RSPO3: variants seen among roughly 807,000 people sequenced by gnomAD.
The protein encoded by RSPO3 is R-spondin-3.
A neutral mutation model predicts 36.5 loss-of-function variants in RSPO3; 17 were observed. The observed-to-expected ratio is 0.47, with a 90% CI of 0.32 to 0.70. The LOEUF (loss-of-function observed/expected upper bound fraction) is 0.70, where lower values mean the gene tolerates loss of function less well. RSPO3 is among the 30% of genes least tolerant of loss of function. RSPO3 has a pLI of 0.04. For synonymous variants in RSPO3, 108 were observed against 107.0 expected (o/e 1.01, Z -0.06); for missense variants, 294 against 322.5 (o/e 0.91, Z 0.68).
chr6:127,178,769 G>A (rs947258410), intron 4 of RSPO3, among the ~76,000 whole-genome samples: 1 of 151,758 alleles, frequency 6.6e-6, no homozygotes, highest in Non-Finnish European at 1.5e-5. Flanking sequence ...TTCTAGGAAA[G>A]CAGACTAAAC....
intron 4 of RSPO3, among the ~76,000 whole-genome samples, chr6:127,169,613 A>G (rs1774896882): frequency 6.6e-6 from 1 of 151,926 alleles, no homozygotes; most frequent in Non-Finnish European, 1.5e-5. Context: ...TGCAATAAAC[A>G]ACACGAAAGA....
chr6:127,144,394 C>G (rs1774338283), intron 1 of RSPO3, among the ~76,000 whole-genome samples: 1 of 152,088 alleles, frequency 6.6e-6, no homozygotes. Context: ...ATTTTTCCAG[C>G]AGGCTATTCC....
chr6:127,145,101 C>A lies in RSPO3; in HGVS notation c.98-3547C>A, dbSNP rs190408242. ...TCTTTTTAAACGTCAGTATTCTATG[C>A]ACCATGCCCTACTCTCCAACTGCAG... is the stretch of plus-strand genomic sequence containing the variant. On this transcript the variant is annotated intron_variant, in intron 1 of 4. Transcript: ENST00000356698. 5.3e-5 allele frequency among the ~76,000 whole-genome samples: 8 copies of A among 152,264 alleles called. No homozygotes were observed. In the East Asian group the frequency reaches 1.5e-3, roughly 29 times the overall value.
chr6:127,180,507 A>C (rs1329881419), intron 4 of RSPO3, among the ~76,000 whole-genome samples: 144 of 150,060 alleles, frequency 9.6e-4, no homozygotes, highest in Non-Finnish European at 1.7e-3. Context: ...AAAAAAAAAA[A>C]AAAAAAAACC....
intron 4 of RSPO3, among the ~76,000 whole-genome samples, chr6:127,190,828 A>G (rs1775395603): frequency 6.6e-6 from 1 of 152,204 alleles, no homozygotes; most frequent in South Asian, 2.1e-4. Flanking sequence ...ACCTATAGAC[A>G]GATTTTATCC....
At chr6:127,189,661 G>A (rs1297300851) in intron 4 of RSPO3, among the ~76,000 whole-genome samples, 1 of 152,136 alleles carries the variant, frequency 6.6e-6, no homozygotes, top group African/African-American at 2.4e-5. Context: ...ATATTTTAAT[G>A]GTCAGAGCTA....
chr6:127,133,994 G>A (rs543379113), intron 1 of RSPO3, among the ~76,000 whole-genome samples: 3 of 152,102 alleles, frequency 2.0e-5, no homozygotes, highest in Non-Finnish European at 2.9e-5. Flanking sequence ...TTTCTAAGCC[G>A]AATAGTACCT....
intron 1 of RSPO3, among the ~76,000 whole-genome samples, chr6:127,145,448 A>G (rs1408032357): frequency 6.6e-6 from 1 of 152,072 alleles, no homozygotes; most frequent in East Asian, 1.9e-4. Context: ...GAAACACCCT[A>G]TGTTTACAGA....
At chr6:127,162,328 C>T (rs1231240938) in intron 4 of RSPO3, among the ~76,000 whole-genome samples, 4 of 152,120 alleles carry the variant, frequency 2.6e-5, no homozygotes, top group Admixed American at 2.6e-4. Context: ...TTTTTGCATT[C>T]TACCCTAGAG....
chr6:127,127,139 C>G (rs1164355724), intron 1 of RSPO3, among the ~76,000 whole-genome samples: 5 of 152,090 alleles, frequency 3.3e-5, no homozygotes, highest in Non-Finnish European at 7.4e-5. Context: ...TTTATAACCA[C>G]ATAATACAAA....
At chr6:127,150,885 T>C (rs1774478801) in intron 3 of RSPO3, among the ~76,000 whole-genome samples, 1 of 151,744 alleles carries the variant, frequency 6.6e-6, no homozygotes, top group African/African-American at 2.4e-5. Context: ...TTTAATGAAT[T>C]TTATTTAAGT....
Position 127,144,643 on chromosome 6 carries a change from G to T in RSPO3, c.98-4005G>T, listed in dbSNP as rs182138365. Among the ~76,000 whole-genome samples, 618 of 98,898 alleles carry T rather than the reference G, an allele frequency of 6.2e-3. 10 individuals are homozygous for T. The highest frequency in any genetic ancestry group is 0.012 in the East Asian group (34 of 2,928). 64.9% of individuals were successfully genotyped at this position (98,898 alleles called of 152,430 possible). The stretch of plus-strand genomic sequence containing the variant: ...TGTAATTTTTCAGTAGCTTCCCCTT[G>T]TTTTTTTTTTTTTCAGACAGAGTCT... On this transcript the variant is annotated intron_variant, in intron 1 of 4. Coordinates refer to ENST00000356698, the MANE Select transcript of RSPO3 (RefSeq NM_032784.5).
At chr6:127,187,686 T>C (rs190997157) in intron 4 of RSPO3, among the ~76,000 whole-genome samples, 26 of 152,252 alleles carry the variant, frequency 1.7e-4, no homozygotes, top group African/African-American at 5.8e-4. Flanking sequence ...AGGTGATAGA[T>C]AGGATTTCAA....
chr6:127,137,340 G>C (rs959578441), intron 1 of RSPO3, among the ~76,000 whole-genome samples: 2 of 152,112 alleles, frequency 1.3e-5, no homozygotes, highest in African/African-American at 4.8e-5. Context: ...GCAGTGAGCG[G>C]AGTTGGTGCC....
At chr6:127,137,859 G>T (rs2489626) in intron 1 of RSPO3, among the ~76,000 whole-genome samples, 85,020 of 151,850 alleles carry the variant, frequency 0.56, 23,793 homozygotes, top group African/African-American at 0.6. Flanking sequence ...ACATTTATGG[G>T]TTTTAGAATA....
At chr6:127,179,806 G>C (rs979018209) in intron 4 of RSPO3, among the ~76,000 whole-genome samples, 5 of 151,778 alleles carry the variant, frequency 3.3e-5, no homozygotes, top group African/African-American at 1.2e-4. Context: ...CACAATCCTT[G>C]GTTCATGGCC....
intron 4 of RSPO3, among the ~76,000 whole-genome samples, chr6:127,156,480 T>C (rs1774599861): frequency 6.6e-6 from 1 of 152,188 alleles, no homozygotes; most frequent in South Asian, 2.1e-4. Context: ...CTATTGGTAG[T>C]TATCTGGTGA....
intron 3 of RSPO3, among the ~76,000 whole-genome samples, chr6:127,152,285 A>G (rs901112281): frequency 2.6e-5 from 4 of 152,140 alleles, no homozygotes; most frequent in Non-Finnish European, 5.9e-5. Context: ...GTAGTAACAC[A>G]AATCACCAAC....
chr6:127,134,791 T>G (rs1186594774), intron 1 of RSPO3, among the ~76,000 whole-genome samples: 1 of 152,198 alleles, frequency 6.6e-6, no homozygotes, highest in Admixed American at 6.5e-5. Flanking sequence ...GAGATATTAT[T>G]CCATTTTATA....
Sources: gnomAD v4.1 joint callset for allele counts (sites outside exome capture counted in the v4.1 genomes callset) on GRCh38, gnomAD v4.1.1 for gene constraint, MANE v1.5 for transcripts, NCBI Gene and HGNC (gene_info 2026-07-23, HGNC 2026-07-21) for gene names.